AMPH: variants seen among roughly 807,000 people sequenced by gnomAD.
The protein encoded by AMPH is amphiphysin, also known as amphiphysin (Stiff-Mann syndrome with breast cancer 128kD autoantigen).
Under a neutral mutation model 99.1 loss-of-function variants are expected in AMPH, and 49 were observed. That is an observed-to-expected ratio of 0.49 (90% CI 0.39 to 0.63). The LOEUF is 0.63. Ranked by LOEUF, AMPH falls within the 20% of genes least tolerant of loss-of-function variation. AMPH has a pLI of 0.00. For synonymous variants in AMPH, 314 were observed against 317.3 expected, an observed-to-expected ratio of 0.99 and a Z score of 0.11; for missense variants, 759 against 863.4, an observed-to-expected ratio of 0.88 and a Z score of 1.52.
chr7:38,525,275 T>TAGAGAGAG (rs1209069502), intron 2 of AMPH, among the ~76,000 whole-genome samples: 15 of 86,294 alleles, frequency 1.7e-4, no homozygotes, highest in Admixed American at 4.4e-4. Context: ...TATATATATA[T>TAGAGAGAG]ATAGAGAGAG....
At chr7:38,567,839 CAT>C (rs1562832191) in intron 1 of AMPH, among the ~76,000 whole-genome samples, 1 of 152,044 alleles carries the variant, frequency 6.6e-6, no homozygotes, top group African/African-American at 2.4e-5. Context: ...ATAATCAACC[CAT>C]GTGATTATTA....
At chr7:38,626,848 A>T (rs1447232886) in intron 1 of AMPH, among the ~76,000 whole-genome samples, 1 of 152,152 alleles carries the variant, frequency 6.6e-6, no homozygotes, top group Non-Finnish European at 1.5e-5. Flanking sequence ...CAACCCCATC[A>T]AAAAGTAGGC....
At chr7:38,556,602 G>A (rs2129047565) in intron 1 of AMPH, among the ~76,000 whole-genome samples, 1 of 152,310 alleles carries the variant, frequency 6.6e-6, no homozygotes, top group Middle Eastern at 3.4e-3. Flanking sequence ...AGGTGCTTCT[G>A]GCAAAGGAGA....
In AMPH at chr7:38,437,141, C is replaced by CAA; in HGVS notation, c.1018-754_1018-753insTT. ...ATACAAAAAAATCTATAATACTAAA[C>CAA]ATTATCATTTGTTCATTTATTTGTG... is the stretch of plus-strand genomic sequence containing the variant. On this transcript the variant is annotated intron_variant, in intron 11 of 20. Coordinates refer to ENST00000356264, the MANE Select transcript of AMPH (RefSeq NM_001635.4). Among the ~76,000 whole-genome samples the CAA allele has an allele frequency of 4.6e-5, 7 of 152,218 alleles. 2 individuals carry two copies. The highest frequency in any genetic ancestry group is 4.6e-4 in the Admixed American group (7 of 15,296).
intron 20 of AMPH, among the ~76,000 whole-genome samples, chr7:38,388,647 T>C (rs1420248231): frequency 2.0e-5 from 3 of 151,404 alleles, no homozygotes; most frequent in Admixed American, 2.0e-4. Flanking sequence ...GTTATTAATT[T>C]TTTGTTTTTT....
At chr7:38,546,419 A>C in intron 1 of AMPH, among the ~76,000 whole-genome samples, 1 of 152,240 alleles carries the variant, frequency 6.6e-6, no homozygotes, top group East Asian at 1.9e-4. Context: ...TTCTAAAAAA[A>C]AAATTAAACA....
At chr7:38,578,533 G>A (rs1165665704) in intron 1 of AMPH, among the ~76,000 whole-genome samples, 1 of 152,136 alleles carries the variant, frequency 6.6e-6, no homozygotes, top group Non-Finnish European at 1.5e-5. Context: ...AGGCCAAGGT[G>A]GGAAGATTTT....
rs1793195047 is a variant in AMPH, at chr7:38,600,096, A to T, written c.69+31187T>A. Among the ~76,000 whole-genome samples, 3 of 152,268 alleles carry T rather than the reference A, an allele frequency of 2.0e-5. No homozygotes were observed. In the South Asian group the frequency reaches 6.2e-4, roughly 32 times the overall value. On this transcript the variant is annotated intron_variant, in intron 1 of 20. Transcript: ENST00000356264. Reference sequence around the variant, plus strand: ...CTCGCCAAGAGGTAACAAGGTTTTTAAAATACATTTTTATTTGTGATAGTT... The same window carrying T: ...CTCGCCAAGAGGTAACAAGGTTTTTTAAATACATTTTTATTTGTGATAGTT...
chr7:38,514,421 A>G (rs954876087), intron 2 of AMPH, among the ~76,000 whole-genome samples: 5 of 152,258 alleles, frequency 3.3e-5, no homozygotes, highest in African/African-American at 1.2e-4. Flanking sequence ...ATGGTTTTCA[A>G]CATTAAAGAA....
intron 11 of AMPH, among the ~76,000 whole-genome samples, chr7:38,459,774 T>C (rs1436299672): frequency 1.3e-5 from 2 of 151,774 alleles, no homozygotes; most frequent in African/African-American, 4.8e-5. Context: ...CCTCAAGACA[T>C]CAGTTTAAGG....
At chr7:38,622,607 A>C (rs1359759047) in intron 1 of AMPH, among the ~76,000 whole-genome samples, 1 of 152,144 alleles carries the variant, frequency 6.6e-6, no homozygotes, top group African/African-American at 2.4e-5. Flanking sequence ...AGTATGTCCC[A>C]AAGATAATTT....
At position 38,503,504 on chromosome 7, in the gene AMPH, G is replaced by A. The variant is rs10268443; in HGVS notation, c.205+146C>T. 1.4e-4 allele frequency: 73 copies of A among 512,892 alleles called. 1 individual carries two copies. The African/African-American group carries it at 1.5e-3, about 10-fold the overall frequency. 31.8% of individuals were successfully genotyped at this position (512,892 alleles called of 1,614,324 possible). Reference sequence around the variant, plus strand: ...CAATGGGAATTTGGGGCGGGGGGGTGGGTGGTGGAATGGAACACCTGTGTT... The same window carrying A: ...CAATGGGAATTTGGGGCGGGGGGGTAGGTGGTGGAATGGAACACCTGTGTT... On this transcript the variant is annotated intron_variant, in intron 3 of 20. Coordinates refer to ENST00000356264, the MANE Select transcript of AMPH (RefSeq NM_001635.4).
intron 2 of AMPH, among the ~76,000 whole-genome samples, chr7:38,522,394 A>G (rs1267551625): frequency 6.6e-6 from 1 of 152,144 alleles, no homozygotes; most frequent in Admixed American, 6.5e-5. Flanking sequence ...TCCATTATGA[A>G]ATTGAATTAG....
At chr7:38,507,826 A>G (rs1789386682) in intron 2 of AMPH, among the ~76,000 whole-genome samples, 1 of 152,162 alleles carries the variant, frequency 6.6e-6, no homozygotes, top group Non-Finnish European at 1.5e-5. Context: ...TGGCAACAGG[A>G]GGGCAGGGGA....
At position 38,503,561 on chromosome 7, in the gene AMPH, C is replaced by T. The variant is rs565194283; in HGVS notation, c.205+89G>A. 83 of 1,357,466 alleles carry T rather than the reference C, an allele frequency of 6.1e-5. 1 individual carries two copies. In the East Asian group the frequency reaches 1.8e-3, roughly 30 times the overall value. The allele number at this position is 1,357,466 out of a possible 1,614,324, so 84.1% of individuals were successfully genotyped here. A position where few individuals can be genotyped will look rare whatever the true frequency, so the allele number is the denominator to read the frequency against. ...TCCATCTTGCCAGGAAGCCAAATGG[C>T]TTTGTAATTAACACTCAATCCTGTC... On this transcript the variant is annotated intron_variant, in intron 3 of 20. Coordinates refer to ENST00000356264, the MANE Select transcript of AMPH (RefSeq NM_001635.4).
At chr7:38,613,579 C>T (rs1037966541) in intron 1 of AMPH, among the ~76,000 whole-genome samples, 12 of 152,162 alleles carry the variant, frequency 7.9e-5, no homozygotes, top group East Asian at 1.9e-4. Context: ...ATTTCTCCAC[C>T]GTGCCTGAAT....
chr7:38,543,249 C>T (rs1790875587), intron 1 of AMPH, among the ~76,000 whole-genome samples: 1 of 151,858 alleles, frequency 6.6e-6, no homozygotes, highest in South Asian at 2.1e-4. Flanking sequence ...AGATCAAGAC[C>T]CTATCTCAAA....
At position 38,459,119 on chromosome 7, in the gene AMPH, C is replaced by T. The variant is rs548952964; in HGVS notation, c.1017+2164G>A. Among the ~76,000 whole-genome samples the T allele has an allele frequency of 7.5e-4, 114 of 152,020 alleles. 1 individual carries two copies. Among genetic ancestry groups the T allele is most frequent in the Admixed American group, 6.6e-4 (10 of 15,256 alleles). On this transcript the variant is annotated intron_variant, in intron 11 of 20. Transcript: ENST00000356264. ...AGGGAAAGAAATCAATATGGCAATA[C>T]CATTTACAACAGCTACAACAAAATA...
intron 2 of AMPH, among the ~76,000 whole-genome samples, chr7:38,505,402 G>A (rs1789284292): frequency 6.6e-6 from 1 of 152,134 alleles, no homozygotes; most frequent in African/African-American, 2.4e-5. Flanking sequence ...AAAAGCTTAG[G>A]ATGAGTCCAT....
Sources: gnomAD v4.1 joint callset for allele counts (sites outside exome capture counted in the v4.1 genomes callset) on GRCh38, gnomAD v4.1.1 for gene constraint, MANE v1.5 for transcripts, NCBI Gene and HGNC (gene_info 2026-07-23, HGNC 2026-07-21) for gene names.